FAM161A: variants seen among roughly 807,000 people sequenced by gnomAD.
FAM161A encodes protein FAM161A.
A neutral mutation model predicts 70.9 loss-of-function variants in FAM161A; 57 were observed. That is an observed-to-expected ratio of 0.80 (90% CI 0.65 to 1.00). The LOEUF is 1.00. Among genes scored for constraint, FAM161A ranks in the 50% least tolerant of loss-of-function variants. FAM161A has a pLI of 0.00. For missense variants in FAM161A, 880 were observed against 836.0 expected, an observed-to-expected ratio of 1.05 and a Z score of -0.65; for synonymous variants, 299 against 295.7, an observed-to-expected ratio of 1.01 and a Z score of -0.12.
chr2:61,813,103 G>A, the FAM161A span, among the ~76,000 whole-genome samples: 1 of 151,910 alleles, frequency 6.6e-6, no homozygotes, highest in South Asian at 2.1e-4. Context: ...AAATTTGGTA[G>A]TGAATAGTCT....
the FAM161A span, among the ~76,000 whole-genome samples, chr2:61,805,057 G>C: frequency 6.6e-6 from 1 of 152,068 alleles, no homozygotes; most frequent in African/African-American, 2.4e-5. Context: ...CCATGAGCCA[G>C]AGATAACATT....
chr2:61,836,336 G>A (rs1672773296), intron 4 of FAM161A: 2 of 477,126 alleles, frequency 4.2e-6, no homozygotes, highest in African/African-American at 3.9e-5. Context: ...TAGGTTCTGA[G>A]ATCACACATA....
At position 61,843,776 on chromosome 2, in the gene FAM161A, T is replaced by G. The variant is rs17014558; in HGVS notation, c.184-1416A>C. On this transcript the variant is annotated intron_variant, in intron 1 of 6. Transcript: ENST00000404929. ...TCAGAAGATATGGTATTTTTTTTAA[T>G]ACGCTAAAATCAGCATACAAGAGGA... Among the ~76,000 whole-genome samples, 1,205 of 152,306 alleles carry G rather than the reference T, an allele frequency of 7.9e-3. 11 individuals carry two copies. Among genetic ancestry groups the G allele is most frequent in the African/African-American group, 0.028 (1,148 of 41,560 alleles).
the FAM161A span, among the ~76,000 whole-genome samples, chr2:61,807,561 GCTCT>G: frequency 6.6e-6 from 1 of 150,668 alleles, no homozygotes; most frequent in Non-Finnish European, 1.5e-5. Flanking sequence ...CCCAAAATAG[GCTCT>G]GCAAAGTGGG....
chr2:61,817,216 G>C, the FAM161A span, among the ~76,000 whole-genome samples: 11 of 152,104 alleles, frequency 7.2e-5, no homozygotes, highest in Admixed American at 7.2e-4. Flanking sequence ...TGCCCTGTGA[G>C]TCGCTTCACA....
downstream of FAM161A, chr2:61,820,189 C>A: frequency 1.9e-6 from 1 of 535,960 alleles, no homozygotes; most frequent in Non-Finnish European, 3.3e-6. Context: ...AATCTCTCTT[C>A]CCACTGCTGT....
Position 61,824,859 on chromosome 2 carries a change from A to G in FAM161A, c.*1596T>C. On this transcript the variant is annotated 3_prime_UTR_variant, in exon 7 of 7. Coordinates refer to ENST00000404929, the MANE Select transcript of FAM161A (RefSeq NM_001201543.2). ...ATATAAAAACCATATTCATCTACAC[A>G]CTCATTCAAACCTTTATTAAGTACC... 1 of 407,236 alleles carries G rather than the reference A, an allele frequency of 2.5e-6. No individual in the cohort carries two copies. Among genetic ancestry groups the G allele is most frequent in the South Asian group, 1.8e-5 (1 of 54,086 alleles). The allele number at this position is 407,236 out of a possible 1,614,324, so 25.2% of individuals were successfully genotyped here. A position where few individuals can be genotyped will look rare whatever the true frequency, so the allele number is the denominator to read the frequency against.
the FAM161A span, among the ~76,000 whole-genome samples, chr2:61,808,274 A>ATTT: frequency 7.0e-6 from 1 of 142,038 alleles, no homozygotes; most frequent in Non-Finnish European, 1.6e-5. Context: ...TATTATTATT[A>ATTT]TTTTTTTTTT....
chr2:61,827,198 A>C lies in FAM161A; in HGVS notation c.1912T>G (p.Ser638Ala). 6.2e-7 allele frequency: 1 copy of C among 1,613,946 alleles called. No homozygotes were observed. The highest frequency in any genetic ancestry group is 8.5e-7 in the Non-Finnish European group (1 of 1,179,952). Residue 638 changes from serine (S) to alanine (A), a missense_variant, in exon 6 of 7, where the codon TCT becomes GCT. Transcript: ENST00000404929. ...YSNTLKALGI[S>A]DEFVSKKGQS... ...CCTTTCTTTGAAACAAACTCATCAG[A>C]TATTCCTAGTGCTTTTAGGGTATTA...
chr2:61,827,931 G>A (rs1336963174), intron 5 of FAM161A, among the ~76,000 whole-genome samples: 1 of 152,192 alleles, frequency 6.6e-6, no homozygotes, highest in Admixed American at 6.5e-5. Flanking sequence ...CCACAACATG[G>A]ATAGATCTCA....
chr2:61,838,589 T>C lies in FAM161A; in HGVS notation c.1700A>G (p.Asp567Gly). Residue 567 changes from aspartate (D) to glycine (G), a missense_variant, in exon 4 of 7, where the codon GAC becomes GGC. By Grantham distance (94) the Asp-to-Gly change is moderately conservative (BLOSUM62 -1). Transcript: ENST00000404929. ...TATTTGAGCTAAACTTTGATGTGAG[T>C]CATAAGCCTTAGCCCGGGTTGTCAG... ...KLLTTRAKAY[D>G]SHQSLAQISK... is the part of the protein sequence containing the mutation. 1 of 1,612,214 alleles carries C rather than the reference T, an allele frequency of 6.2e-7. No homozygotes were observed. Among genetic ancestry groups the C allele is most frequent in the Non-Finnish European group, 8.5e-7 (1 of 1,179,462 alleles).
intron 1 of FAM161A, among the ~76,000 whole-genome samples, chr2:61,850,444 T>C (rs1178149168): frequency 6.6e-6 from 1 of 151,832 alleles, no homozygotes; most frequent in Non-Finnish European, 1.5e-5. Context: ...TGTATATGTG[T>C]ATGTATGTAT....
intron 5 of FAM161A, among the ~76,000 whole-genome samples, chr2:61,834,820 A>G (rs1259599943): frequency 6.6e-6 from 1 of 152,024 alleles, no homozygotes; most frequent in Non-Finnish European, 1.5e-5. Flanking sequence ...TAAAAGTTGA[A>G]AAAATAAATA....
chr2:61,822,233 C>G (rs1487034697), downstream of FAM161A, among the ~76,000 whole-genome samples: 1 of 151,698 alleles, frequency 6.6e-6, no homozygotes, highest in Non-Finnish European at 1.5e-5. Flanking sequence ...GAGTTTGAGA[C>G]CAGCCTGGGC....
the FAM161A span, among the ~76,000 whole-genome samples, chr2:61,810,994 A>T: frequency 6.6e-6 from 1 of 152,158 alleles, no homozygotes; most frequent in East Asian, 1.9e-4. Flanking sequence ...TCCCCAATTC[A>T]GTAAGTGGCA....
At chr2:61,845,744 G>A (rs148549145) in intron 1 of FAM161A, among the ~76,000 whole-genome samples, 3,936 of 151,748 alleles carry the variant, frequency 0.026, 168 homozygotes, top group African/African-American at 0.091. Context: ...GCAGTGAGCC[G>A]TGAGCGCGCC....
the FAM161A span, among the ~76,000 whole-genome samples, chr2:61,805,710 C>T: frequency 6.6e-6 from 1 of 152,096 alleles, no homozygotes; most frequent in East Asian, 1.9e-4. Context: ...CTGTACCAGG[C>T]ACAGGTCCCT....
chr2:61,830,855 A>G (rs1036501685), intron 5 of FAM161A, among the ~76,000 whole-genome samples: 1 of 151,824 alleles, frequency 6.6e-6, no homozygotes, highest in African/African-American at 2.4e-5. Flanking sequence ...TCACATCTGT[A>G]ATCCCGGAAC....
At position 61,839,462 on chromosome 2, in the gene FAM161A, G is replaced by C. The variant is rs539389330; in HGVS notation, c.1542C>G (p.Pro514=). ...GTCCTCTGGAAGATACCGTGGGCAC[G>C]GGAGGGTTGCAGTTACAAGGCACAG... ...VNPVPCNCNP[P]VPTVSSRGRE... Residue 514 remains proline, a synonymous_variant, in exon 3 of 7, where the codon CCC becomes CCG. Transcript: ENST00000404929. 58 of 1,614,132 alleles carry C rather than the reference G, an allele frequency of 3.6e-5. No individual in the cohort carries two copies. The African/African-American group carries it at 6.0e-4, about 17-fold the overall frequency.
Sources: allele counts gnomAD v4.1 joint callset (sites outside exome capture counted in the v4.1 genomes callset), GRCh38; gene constraint gnomAD v4.1.1; transcripts MANE v1.5; gene names NCBI Gene and HGNC (gene_info 2026-07-23, HGNC 2026-07-21).